CHIT1: variants seen among roughly 807,000 people sequenced by gnomAD.
CHIT1 encodes chitinase 1, also known as chitotriosidase-1.
Under a neutral mutation model 52.0 loss-of-function variants are expected in CHIT1, and 47 were observed. The observed-to-expected ratio is 0.90, with a 90% CI of 0.71 to 1.15. The LOEUF (loss-of-function observed/expected upper bound fraction) is 1.15, where lower values mean the gene tolerates loss of function less well. Ranked by LOEUF, CHIT1 falls within the 50% of genes most tolerant of loss-of-function variation. The probability of loss-of-function intolerance (pLI) is 0.00; values close to 1 mark genes in which losing one functional copy is unlikely to be tolerated. For missense variants in CHIT1, 569 were observed against 583.0 expected, an observed-to-expected ratio of 0.98 and a Z score of 0.25; for synonymous variants, 242 against 228.2, an observed-to-expected ratio of 1.06 and a Z score of -0.54.
In CHIT1 at chr1:203,225,772, T is replaced by C; in HGVS notation, c.154A>G (p.Thr52Ala). Residue 52 changes from threonine to alanine, a missense_variant, in exon 3 of 11, where the codon ACC (threonine) becomes GCC (alanine). Coordinates refer to ENST00000367229, the MANE Select transcript of CHIT1 (RefSeq NM_003465.3). ...LPKDLDPSLC[T>A]HLIYAFAGMT... ...CCAGCGAAGGCGTAGATGAGGTGGG[T>C]GCAAAGGCTGGGGTCCAAGTCCTTG... 6.2e-7 allele frequency: 1 copy of C among 1,614,122 alleles called. No individual in the cohort carries two copies. The highest frequency in any genetic ancestry group is 8.5e-7 in the Non-Finnish European group (1 of 1,180,022).
At chr1:203,225,362 G>A (rs544228626) in intron 3 of CHIT1, among the ~76,000 whole-genome samples, 17 of 152,192 alleles carry the variant, frequency 1.1e-4, no homozygotes, top group East Asian at 7.7e-4. Flanking sequence ...TTGTGAAGGC[G>A]CCCAGAACAC....
intron 4 of CHIT1, 90 bp from the exon 5 acceptor site, chr1:203,223,750 A>G: frequency 7.4e-7 from 1 of 1,345,530 alleles, no homozygotes; most frequent in African/African-American, 1.4e-5. Context: ...CACTCAGGAC[A>G]GTGCGTCTCT....
chr1:203,223,436 G>T, intron 5 of CHIT1, 59 bp downstream of exon 5: 1 of 1,606,058 alleles, frequency 6.2e-7, no homozygotes, highest in East Asian at 2.2e-5. Flanking sequence ...CATGTGCTGT[G>T]GGGGCTCCAG....
In CHIT1 at chr1:203,216,957, G is replaced by C. The variant is rs1217802608; in HGVS notation, c.1333C>G (p.Leu445Val). 2 of 1,614,066 alleles carry C rather than the reference G, an allele frequency of 1.2e-6. No homozygotes were observed. Among genetic ancestry groups the C allele is most frequent in the East Asian group, 4.5e-5 (2 of 44,892 alleles). Residue 445 changes from leucine to valine, a missense_variant, in exon 11 of 11, where the codon CTG becomes GTG. By Grantham distance (32) the Leu-to-Val change is conservative. Coordinates refer to ENST00000367229, the MANE Select transcript of CHIT1 (RefSeq NM_003465.3). ...CCTGTCGGGCAGCTTTGCTGGAACA[G>C]CCGCCCCGCTGCACAGCTGTAGAAG... is the stretch of plus-strand genomic sequence containing the variant. ...SSFYSCAAGR[L>V]FQQSCPTGLV...
chr1:203,216,392 C>A lies in CHIT1; in HGVS notation c.*497G>T, dbSNP rs1275210151. 2.2e-6 allele frequency: 1 copy of A among 454,174 alleles called. No individual in the cohort carries two copies. Among genetic ancestry groups the A allele is most frequent in the Non-Finnish European group, 4.4e-6 (1 of 226,842 alleles). 28.1% of individuals were successfully genotyped at this position (454,174 alleles called of 1,614,324 possible). A position where few individuals can be genotyped will look rare whatever the true frequency, so the allele number is the denominator to read the frequency against. ...GTTCTTCTCTGCTGCCATCTAGTGG[C>A]ATTTTGGGAATAACACGTGCGTGAA... On this transcript the variant is annotated 3_prime_UTR_variant, in exon 11 of 11. Transcript: ENST00000367229.
chr1:203,221,183 T>G (rs1157111105), intron 7 of CHIT1, among the ~76,000 whole-genome samples: 1 of 152,240 alleles, frequency 6.6e-6, no homozygotes, highest in Non-Finnish European at 1.5e-5. Flanking sequence ...TACAGAGATG[T>G]GGGCTCTCCA....
chr1:203,229,578 C>G lies in CHIT1; in HGVS notation c.25+34G>C, dbSNP rs1372318420. ...CATCCACATCCCCACCTCCCCACAGCTCCCGAGACCCAGCCCACTATCCGA... is the reference window on the plus strand; with the variant it reads ...CATCCACATCCCCACCTCCCCACAGGTCCCGAGACCCAGCCCACTATCCGA... On this transcript the variant is annotated intron_variant, in intron 1 of 10. Transcript: ENST00000367229. 3 of 1,613,468 alleles carry G rather than the reference C, an allele frequency of 1.9e-6. 1 individual carries two copies. The highest frequency in any genetic ancestry group is 2.2e-5 in the South Asian group (2 of 90,850).
intron 9 of CHIT1, chr1:203,218,128 C>T (rs1198463123): frequency 6.9e-7 from 1 of 1,442,322 alleles, no homozygotes; most frequent in South Asian, 1.2e-5. Flanking sequence ...GGAATAGTGT[C>T]AGTTGTGTGC....
intron 7 of CHIT1, among the ~76,000 whole-genome samples, chr1:203,221,691 A>AC (rs1460942783): frequency 3.3e-5 from 5 of 152,064 alleles, no homozygotes; most frequent in African/African-American, 1.2e-4. Flanking sequence ...AAGTTAGGAA[A>AC]CCCCAACCTA....
intron 7 of CHIT1, among the ~76,000 whole-genome samples, chr1:203,221,409 G>T (rs954599141): frequency 6.6e-6 from 1 of 152,092 alleles, no homozygotes; most frequent in African/African-American, 2.4e-5. Context: ...TGAGCCAGGA[G>T]GATTGATTGA....
rs1432377471 is a variant in CHIT1 at position 203,216,211 on chromosome 1, T to C, written c.*678A>G. 6.6e-6 allele frequency: 3 copies of C among 454,126 alleles called. No individual in the cohort carries two copies. Among genetic ancestry groups the C allele is most frequent in the South Asian group, 4.7e-5 (3 of 64,470 alleles). 28.1% of individuals were successfully genotyped at this position (454,126 alleles called of 1,614,324 possible). A position where few individuals can be genotyped will look rare whatever the true frequency, so the allele number is the denominator to read the frequency against. ...AATGCCTATAAAGTGAGAATAATCA[T>C]TGTTCCTTCTTCATCTGGTGAACGG... On this transcript the variant is annotated 3_prime_UTR_variant, in exon 11 of 11. Coordinates refer to ENST00000367229, the MANE Select transcript of CHIT1 (RefSeq NM_003465.3).
intron 7 of CHIT1, among the ~76,000 whole-genome samples, chr1:203,220,069 GGCTTCGGAC>G (rs1487334804): frequency 1.3e-5 from 2 of 152,154 alleles, no homozygotes; most frequent in African/African-American, 4.8e-5. Flanking sequence ...AGAGAGCGTG[GGCTTCGGAC>G]GCAGACAACC....
chr1:203,221,234 T>A (rs1449690769), intron 7 of CHIT1, among the ~76,000 whole-genome samples: 1 of 152,200 alleles, frequency 6.6e-6, no homozygotes, highest in Admixed American at 6.5e-5. Context: ...TTCTTTGTTG[T>A]TTGGTTTTGC....
At chr1:203,219,607 T>C (rs942935859) in intron 8 of CHIT1, 57 bp downstream of exon 8, 267 of 1,590,880 alleles carry the variant, frequency 1.7e-4, no homozygotes, top group Non-Finnish European at 2.2e-4. Context: ...GAAACCTCTG[T>C]TCTCTCAGGC....
In CHIT1 at chr1:203,218,274, G is replaced by T. The variant is rs117249305; in HGVS notation, c.1030-409C>A. The stretch of plus-strand genomic sequence containing the variant: ...TAGGGAACAACTCAGATTTCCAAAA[G>T]ATCTCAATCAAGGCTTGCTTCTCTG... On this transcript the variant is annotated intron_variant, in intron 9 of 10. Transcript: ENST00000367229. Among the ~76,000 whole-genome samples, 7 of 152,288 alleles carry T rather than the reference G, an allele frequency of 4.6e-5. No individual in the cohort carries two copies. In the East Asian group the frequency reaches 1.4e-3, roughly 29 times the overall value.
At chr1:203,225,005 C>A (rs1656871277) in intron 4 of CHIT1, 43 bp downstream of exon 4, 1 of 1,579,568 alleles carries the variant, frequency 6.3e-7, no homozygotes, top group East Asian at 2.2e-5. Context: ...CACCAGGTTC[C>A]CATCCAGGAG....
intron 9 of CHIT1, 135 bp downstream of exon 9, chr1:203,219,081 A>G (rs1444921649): frequency 4.1e-6 from 3 of 726,450 alleles, no homozygotes; most frequent in East Asian, 2.5e-5. Context: ...ACAAAATACT[A>G]TCACGTGGAG....
Position 203,216,925 on chromosome 1 carries a change from C to G in CHIT1, c.1365G>C (p.Val455=). The G allele has an allele frequency of 6.2e-7, 1 of 1,614,218 alleles. No homozygotes were observed. ...TGCAGCATTTGCAGGAGTTGCTGAA[C>G]ACCAGGCCTGTCGGGCAGCTTTGCT... The part of the protein sequence containing the change: ...LFQQSCPTGL[V]FSNSCKCCTW... Residue 455 remains valine, a synonymous_variant, in exon 11 of 11, where the codon GTG becomes GTC. Transcript: ENST00000367229.
intron 4 of CHIT1, among the ~76,000 whole-genome samples, chr1:203,224,008 TGAAAA>T (rs2102239588): frequency 6.6e-6 from 1 of 152,298 alleles, no homozygotes; most frequent in East Asian, 1.9e-4. Context: ...AATGGAGGTT[TGAAAA>T]GAAAAGGAAT....
Sources: allele counts gnomAD v4.1 joint callset (sites outside exome capture counted in the v4.1 genomes callset), GRCh38; gene constraint gnomAD v4.1.1; transcripts MANE v1.5; gene names NCBI Gene and HGNC (gene_info 2026-07-23, HGNC 2026-07-21).